NR3C2: variants seen among roughly 807,000 people sequenced by gnomAD.
NR3C2 encodes mineralocorticoid receptor.
A neutral mutation model predicts 86.4 loss-of-function variants in NR3C2; 15 were observed. The ratio of observed to expected loss-of-function variants is 0.17; its 90% CI spans 0.12 to 0.27. The LOEUF (loss-of-function observed/expected upper bound fraction) is 0.27. NR3C2 is among the 10% of genes least tolerant of loss of function. The pLI, the probability that NR3C2 is intolerant of heterozygous loss-of-function variation, is 1.00. For missense variants in NR3C2, 960 were observed against 1,195.6 expected (o/e 0.80, Z 2.91); for synonymous variants, 458 against 450.5 (o/e 1.02, Z -0.21).
chr4:148,144,676 A>G (rs929343301), intron 6 of NR3C2, among the ~76,000 whole-genome samples: 6 of 152,188 alleles, frequency 3.9e-5, no homozygotes, highest in African/African-American at 1.2e-4. Flanking sequence ...TTTCTAGCTT[A>G]TAAAACCTCC....
chr4:148,112,488 CTT>C (rs2149726403), intron 8 of NR3C2, among the ~76,000 whole-genome samples: 2 of 152,312 alleles, frequency 1.3e-5, no homozygotes, highest in African/African-American at 4.8e-5. Flanking sequence ...AGTGGGAAGA[CTT>C]TGCTCCAGTT....
rs61762856 is a variant in NR3C2 at position 148,372,436 on chromosome 4, C to T, written c.1757+62668G>A. On this transcript the variant is annotated intron_variant, in intron 2 of 8. Coordinates refer to ENST00000358102, the MANE Select transcript of NR3C2 (RefSeq NM_000901.5). ...CTCAGATCCTTGAAGGTGATATGAC[C>T]GGCAATCTCAGCATCCCCAAAAATG... Among the ~76,000 whole-genome samples the T allele has an allele frequency of 8.7e-3, 1,322 of 151,810 alleles. 9 individuals carry two copies. The highest frequency in any genetic ancestry group is 0.014 in the Non-Finnish European group (944 of 67,940).
intron 6 of NR3C2, among the ~76,000 whole-genome samples, chr4:148,127,269 G>A (rs544739277): frequency 1.4e-4 from 21 of 152,134 alleles, no homozygotes; most frequent in African/African-American, 5.1e-4. Flanking sequence ...TAAATGTATA[G>A]AAATGTACAT....
At chr4:148,355,567 G>A (rs1172322656) in intron 2 of NR3C2, among the ~76,000 whole-genome samples, 2 of 152,100 alleles carry the variant, frequency 1.3e-5, no homozygotes, top group African/African-American at 4.8e-5. Flanking sequence ...GTACTCCTGG[G>A]GCACCTGGGA....
At chr4:148,220,975 C>T (rs1463182528) in intron 3 of NR3C2, among the ~76,000 whole-genome samples, 1 of 152,200 alleles carries the variant, frequency 6.6e-6, no homozygotes, top group Non-Finnish European at 1.5e-5. Context: ...CCCTTGCCAT[C>T]ACATGCTAAG....
intron 2 of NR3C2, among the ~76,000 whole-genome samples, chr4:148,333,724 A>G (rs1411611386): frequency 6.6e-6 from 1 of 152,180 alleles, no homozygotes; most frequent in Non-Finnish European, 1.5e-5. Context: ...GCAAGGCAGT[A>G]TTAGTGCAAG....
chr4:148,123,807 T>A (rs1732625019), intron 6 of NR3C2, among the ~76,000 whole-genome samples: 1 of 152,262 alleles, frequency 6.6e-6, no homozygotes, highest in South Asian at 2.1e-4. Context: ...GTTTCTCTCA[T>A]ACACACACAC....
intron 4 of NR3C2, among the ~76,000 whole-genome samples, chr4:148,171,547 G>A (rs1435730391): frequency 6.6e-6 from 1 of 152,192 alleles, no homozygotes; most frequent in African/African-American, 2.4e-5. Flanking sequence ...ATTCTCATAA[G>A]AAATGCACAA....
At chr4:148,119,215 AAATG>A in intron 7 of NR3C2, among the ~76,000 whole-genome samples, 1 of 152,320 alleles carries the variant, frequency 6.6e-6, no homozygotes. Context: ...TTTAAAAAAT[AAATG>A]AATACGTAAA....
intron 8 of NR3C2, among the ~76,000 whole-genome samples, chr4:148,109,585 T>C (rs1310946505): frequency 1.3e-5 from 2 of 152,222 alleles, no homozygotes; most frequent in African/African-American, 2.4e-5. Context: ...CAGTCACCTC[T>C]GTAAACTAAG....
intron 3 of NR3C2, among the ~76,000 whole-genome samples, chr4:148,215,103 A>G (rs1246299838): frequency 6.6e-6 from 1 of 152,216 alleles, no homozygotes; most frequent in Non-Finnish European, 1.5e-5. Flanking sequence ...ATGCCTAAGC[A>G]TGAAAAACAA....
At chr4:148,211,070 C>T (rs1430834239) in intron 3 of NR3C2, among the ~76,000 whole-genome samples, 2 of 152,206 alleles carry the variant, frequency 1.3e-5, no homozygotes, top group Non-Finnish European at 2.9e-5. Context: ...AAGCCCAACT[C>T]AGAGCAAACT....
At chr4:148,082,482 A>G (rs1051973792) in intron 8 of NR3C2, among the ~76,000 whole-genome samples, 1 of 152,084 alleles carries the variant, frequency 6.6e-6, no homozygotes, top group Non-Finnish European at 1.5e-5. Context: ...TCCCTCCCCT[A>G]GCCAAGGGAA....
At chr4:148,420,235 G>A (rs1348497572) in intron 2 of NR3C2, among the ~76,000 whole-genome samples, 1 of 152,172 alleles carries the variant, frequency 6.6e-6, no homozygotes, top group Non-Finnish European at 1.5e-5. Flanking sequence ...AAAAAGTAAA[G>A]CCCTAGTAGA....
At chr4:148,199,938 C>G (rs1736635155) in intron 3 of NR3C2, among the ~76,000 whole-genome samples, 1 of 152,044 alleles carries the variant, frequency 6.6e-6, no homozygotes. Flanking sequence ...AGGAAGGGAC[C>G]ATATTGGAGT....
chr4:148,326,128 C>T (rs758401839), intron 2 of NR3C2, among the ~76,000 whole-genome samples: 6 of 151,926 alleles, frequency 3.9e-5, no homozygotes, highest in East Asian at 1.9e-4. Context: ...CAGTGGCTCA[C>T]GCCTGTAATC....
chr4:148,325,147 A>G (rs1348620597), intron 2 of NR3C2, among the ~76,000 whole-genome samples: 1 of 135,890 alleles, frequency 7.4e-6, no homozygotes, highest in East Asian at 2.1e-4. Flanking sequence ...AGAGAGAGAG[A>G]GAGACAGAGT....
At chr4:148,248,040 T>G (rs965573813) in intron 3 of NR3C2, among the ~76,000 whole-genome samples, 5 of 152,154 alleles carry the variant, frequency 3.3e-5, no homozygotes, top group Admixed American at 2.0e-4. Context: ...CAACTTATGA[T>G]TTTCAAATAA....
rs1280344340 is a variant in NR3C2, at chr4:148,257,207, T to C, written c.1897+2771A>G. On this transcript the variant is annotated intron_variant, in intron 3 of 8. Transcript: ENST00000358102. ...AGGGGCTTAGGGATGTCAAGGGACA[T>C]TGGAAAACAAACTTAGTAAATATTT... Among the ~76,000 whole-genome samples, 15 of 152,168 alleles carry C rather than the reference T, an allele frequency of 9.9e-5. 1 individual carries two copies. Among genetic ancestry groups the C allele is most frequent in the Admixed American group, 8.5e-4 (13 of 15,266 alleles).
Sources: gnomAD v4.1 joint callset for allele counts (sites outside exome capture counted in the v4.1 genomes callset) on GRCh38, gnomAD v4.1.1 for gene constraint, MANE v1.5 for transcripts, NCBI Gene and HGNC (gene_info 2026-07-23, HGNC 2026-07-21) for gene names.